SORCS2: variants seen among roughly 807,000 people sequenced by gnomAD.
SORCS2 encodes sortilin related VPS10 domain containing receptor 2.
A neutral mutation model predicts 141.6 loss-of-function variants in SORCS2; 100 were observed. The observed-to-expected ratio is 0.71, with a 90% CI of 0.60 to 0.83. The LOEUF is 0.83. Among genes scored for constraint, SORCS2 ranks in the 40% least tolerant of loss-of-function variants. SORCS2 has a pLI of 0.00. For missense variants in SORCS2, 1,646 were observed against 1,560.2 expected (o/e 1.05, Z -0.93); for synonymous variants, 789 against 676.9 (o/e 1.17, Z -2.57).
At chr4:7,572,421 A>G (rs1715465751) in intron 3 of SORCS2, among the ~76,000 whole-genome samples, 1 of 151,826 alleles carries the variant, frequency 6.6e-6, no homozygotes, top group South Asian at 2.1e-4. Flanking sequence ...TTTAAACGTA[A>G]GTTTCTTTAC....
At chr4:7,481,315 C>T (rs1730620201) in intron 2 of SORCS2, among the ~76,000 whole-genome samples, 1 of 152,266 alleles carries the variant, frequency 6.6e-6, no homozygotes, top group Admixed American at 6.5e-5. Flanking sequence ...AGGGATGGCA[C>T]AGCCCCGGGA....
intron 2 of SORCS2, among the ~76,000 whole-genome samples, chr4:7,494,727 C>G (rs1189328936): frequency 6.6e-6 from 1 of 152,264 alleles, no homozygotes; most frequent in African/African-American, 2.4e-5. Context: ...CTTTGGACAT[C>G]AGTCCCTGCC....
chr4:7,376,750 C>A (rs1390873157), intron 1 of SORCS2, among the ~76,000 whole-genome samples: 1 of 152,162 alleles, frequency 6.6e-6, no homozygotes, highest in African/African-American at 2.4e-5. Flanking sequence ...TTACGACTTA[C>A]AAAGAAGGGA....
intron 2 of SORCS2, among the ~76,000 whole-genome samples, chr4:7,445,406 T>C (rs1018265565): frequency 2.0e-5 from 3 of 151,870 alleles, no homozygotes; most frequent in East Asian, 1.9e-4. Flanking sequence ...CAGCCCAAGA[T>C]GTGGGAGGGC....
intron 18 of SORCS2, among the ~76,000 whole-genome samples, chr4:7,718,815 A>G (rs1726374358): frequency 6.6e-6 from 1 of 152,248 alleles, no homozygotes; most frequent in South Asian, 2.1e-4. Flanking sequence ...TATCAAGAGT[A>G]TAAATATGTC....
intron 14 of SORCS2, among the ~76,000 whole-genome samples, chr4:7,706,072 C>CTGGGCTCCGTCTGGGCAGGGATTAGGT: frequency 7.5e-6 from 1 of 133,888 alleles, no homozygotes; most frequent in South Asian, 2.7e-4. Flanking sequence ...AGGGATGAGG[C>CTGGGCTCCGTCTGGGCAGGGATTAGGT]TGGGCTCTGC....
chr4:7,701,594 G>A (rs1014697249), intron 12 of SORCS2, among the ~76,000 whole-genome samples: 2 of 152,194 alleles, frequency 1.3e-5, no homozygotes, highest in Admixed American at 6.5e-5. Context: ...CGGAAGCATT[G>A]GAAAGTTCTG....
rs1245194582 is a variant in SORCS2 at position 7,740,087 on chromosome 4, G to GC, written c.3416-110dup. 2.3e-5 allele frequency: 19 copies of GC among 820,368 alleles called. No homozygotes were observed. In the Admixed American group the frequency reaches 3.7e-4, roughly 16 times the overall value. The allele number at this position is 820,368 out of a possible 1,614,324, so 50.8% of individuals were successfully genotyped here. A position where few individuals can be genotyped will look rare whatever the true frequency, so the allele number is the denominator to read the frequency against. ...GCACGGGCTGAAGGAAGCCAGGGAG[G>GC]CCCACTGCACGTTGGCTCGAGGCAC... On this transcript the variant is annotated intron_variant, in intron 26 of 26. Coordinates refer to ENST00000507866, the MANE Select transcript of SORCS2 (RefSeq NM_020777.3).
At chr4:7,261,740 C>T (rs944833833) in intron 1 of SORCS2, among the ~76,000 whole-genome samples, 1 of 152,176 alleles carries the variant, frequency 6.6e-6, no homozygotes, top group African/African-American at 2.4e-5. Context: ...GAAAAAACAC[C>T]TCGGGACCGG....
chr4:7,252,488 A>G (rs1040977128), intron 1 of SORCS2, among the ~76,000 whole-genome samples: 1 of 152,232 alleles, frequency 6.6e-6, no homozygotes, highest in African/African-American at 2.4e-5. Context: ...TGATGGTTGA[A>G]CTTTTTCATT....
intron 1 of SORCS2, among the ~76,000 whole-genome samples, chr4:7,379,124 G>T (rs1197420269): frequency 6.6e-6 from 1 of 152,196 alleles, no homozygotes; most frequent in African/African-American, 2.4e-5. Context: ...TTGGGATGTG[G>T]CTAAGGATGC....
chr4:7,432,356 C>A (rs1412151669), intron 2 of SORCS2: 1 of 152,098 alleles, frequency 6.6e-6, no homozygotes, highest in East Asian at 1.9e-4. Context: ...CCAGCAGACT[C>A]ATGAATGCCG....
chr4:7,335,112 C>T (rs1051900420), intron 1 of SORCS2, among the ~76,000 whole-genome samples: 2 of 152,088 alleles, frequency 1.3e-5, no homozygotes, highest in Non-Finnish European at 2.9e-5. Context: ...CTGCAGCACC[C>T]GGCCCAGAGC....
Position 7,663,216 on chromosome 4 carries a change from ATGAGTGAGTGAAGAGTGAATAAG to A in SORCS2, c.953-1101_953-1079del, listed in dbSNP as rs1184736476. Among the ~76,000 whole-genome samples, 14 of 150,938 alleles carry A rather than the reference ATGAGTGAGTGAAGAGTGAATAAG, an allele frequency of 9.3e-5. No individual in the cohort carries two copies. The highest frequency in any genetic ancestry group is 1.2e-4 in the African/African-American group (5 of 40,936). On this transcript the variant is annotated intron_variant, in intron 6 of 26. Transcript: ENST00000507866. The surrounding 1 kb of genome is among the most constrained non-coding windows in gnomAD (Gnocchi z 4.8). Reference sequence around the variant, plus strand: ...GAGTGAAGAGTGAATGAGTGAGTGAATGAGTGAGTGAAGAGTGAATAAGTGAGTGAGTGAAGAGTGAATAAGTG... The same window carrying A: ...GAGTGAAGAGTGAATGAGTGAGTGAATGAGTGAGTGAAGAGTGAATAAGTG...
intron 2 of SORCS2, among the ~76,000 whole-genome samples, chr4:7,413,022 G>A (rs1725429072): frequency 6.6e-6 from 1 of 152,124 alleles, no homozygotes; most frequent in Non-Finnish European, 1.5e-5. Context: ...GTGAATTTCA[G>A]TGTTAACCGC....
intron 3 of SORCS2, among the ~76,000 whole-genome samples, chr4:7,551,377 C>G (rs962712456): frequency 2.6e-5 from 4 of 152,168 alleles, no homozygotes; most frequent in Non-Finnish European, 5.9e-5. Flanking sequence ...AAATAAGGAC[C>G]AGCTAGGGAT....
intron 1 of SORCS2, among the ~76,000 whole-genome samples, chr4:7,314,362 C>T (rs959191902): frequency 5.7e-5 from 8 of 141,180 alleles, no homozygotes; most frequent in East Asian, 2.0e-4. Context: ...TTTTTTGAGA[C>T]GGAGTCTTGC....
At chr4:7,620,927 C>T (rs1215180435) in intron 3 of SORCS2, among the ~76,000 whole-genome samples, 2 of 152,132 alleles carry the variant, frequency 1.3e-5, no homozygotes, top group African/African-American at 2.4e-5. Context: ...TCCAGGCCCC[C>T]GAGTGCCCCC....
chr4:7,198,702 A>G (rs1033129339), intron 1 of SORCS2, among the ~76,000 whole-genome samples: 3 of 152,308 alleles, frequency 2.0e-5, no homozygotes, highest in Middle Eastern at 3.4e-3. Flanking sequence ...AGTGCCTGTC[A>G]TACTTGCTGT....
Sources: gnomAD v4.1 joint callset for allele counts (sites outside exome capture counted in the v4.1 genomes callset) on GRCh38, gnomAD v4.1.1 for gene constraint, Gnocchi (gnomAD v3.1) non-coding constraint, MANE v1.5 for transcripts, NCBI Gene and HGNC (gene_info 2026-07-23, HGNC 2026-07-21) for gene names.